Variants in KCNH8 observed in about 807,000 individuals in gnomAD.
KCNH8 encodes voltage-gated delayed rectifier potassium channel KCNH8.
KCNH8 carries 70 observed loss-of-function variants against 103.6 expected under a neutral mutation model. That is an observed-to-expected ratio of 0.68 (90% CI 0.56 to 0.82). The LOEUF (loss-of-function observed/expected upper bound fraction) is 0.82, where lower values mean the gene tolerates loss of function less well. KCNH8 is among the 40% of genes least tolerant of loss of function. The pLI is 0.00. For synonymous variants in KCNH8, 498 were observed against 489.4 expected, an observed-to-expected ratio of 1.02 and a Z score of -0.23; for missense variants, 1,217 against 1,329.9, an observed-to-expected ratio of 0.92 and a Z score of 1.32.
chr3:19,207,982 G>T (rs1391177121), intron 1 of KCNH8, among the ~76,000 whole-genome samples: 2 of 151,914 alleles, frequency 1.3e-5, no homozygotes, highest in Non-Finnish European at 2.9e-5. Flanking sequence ...GTATTTCAGG[G>T]TGCTCAGTTT....
At chr3:19,378,089 G>A (rs746974975) in intron 5 of KCNH8, among the ~76,000 whole-genome samples, 1 of 152,156 alleles carries the variant, frequency 6.6e-6, no homozygotes, top group Non-Finnish European at 1.5e-5. Flanking sequence ...ATCATTTAGG[G>A]ACTGAGACAG....
chr3:19,300,400 C>A (rs1375152462), intron 3 of KCNH8, among the ~76,000 whole-genome samples: 4 of 152,116 alleles, frequency 2.6e-5, no homozygotes, highest in Admixed American at 2.6e-4. Context: ...AATACCGAAA[C>A]AAGACAGAGA....
intron 3 of KCNH8, among the ~76,000 whole-genome samples, chr3:19,283,449 T>A (rs1575493790): frequency 6.6e-6 from 1 of 152,308 alleles, no homozygotes; most frequent in East Asian, 1.9e-4. Flanking sequence ...AAAATATGAT[T>A]TAATTTTTTG....
chr3:19,242,179 A>G (rs1439421444), intron 1 of KCNH8, among the ~76,000 whole-genome samples: 2 of 152,168 alleles, frequency 1.3e-5, no homozygotes, highest in Non-Finnish European at 2.9e-5. Flanking sequence ...GAAAATCTTT[A>G]AAGAATTTAA....
At chr3:19,382,195 CTAAG>C (rs1040260937) in intron 5 of KCNH8, among the ~76,000 whole-genome samples, 24 of 152,198 alleles carry the variant, frequency 1.6e-4, no homozygotes, top group Admixed American at 1.3e-3. Flanking sequence ...TAAAAATTAA[CTAAG>C]TTTCAAAAAA....
intron 5 of KCNH8, among the ~76,000 whole-genome samples, chr3:19,377,223 A>G (rs918944131): frequency 3.3e-5 from 5 of 152,252 alleles, no homozygotes; most frequent in African/African-American, 1.2e-4. Context: ...ACAAATGAAA[A>G]GACGGTATTT....
At chr3:19,380,854 T>C (rs1450437989) in intron 5 of KCNH8, among the ~76,000 whole-genome samples, 1 of 152,232 alleles carries the variant, frequency 6.6e-6, no homozygotes, top group East Asian at 1.9e-4. Flanking sequence ...TGAATTATTG[T>C]AACCACAAGT....
At chr3:19,504,986 C>T (rs1456529807) in intron 11 of KCNH8, among the ~76,000 whole-genome samples, 2 of 150,016 alleles carry the variant, frequency 1.3e-5, no homozygotes, top group African/African-American at 4.9e-5. Flanking sequence ...TATATATACA[C>T]ATATATATAT....
chr3:19,219,269 A>G (rs1006538692), intron 1 of KCNH8, among the ~76,000 whole-genome samples: 1 of 152,046 alleles, frequency 6.6e-6, no homozygotes, highest in Non-Finnish European at 1.5e-5. Context: ...AGATCACCCT[A>G]TTTAAAATCT....
At chr3:19,267,091 C>T (rs554819314) in intron 2 of KCNH8, among the ~76,000 whole-genome samples, 24 of 152,096 alleles carry the variant, frequency 1.6e-4, no homozygotes, top group African/African-American at 4.8e-4. Flanking sequence ...TGTGCTCTGC[C>T]TCAGTCCTGT....
At chr3:19,169,595 A>G (rs1477930884) in intron 1 of KCNH8, among the ~76,000 whole-genome samples, 1 of 152,208 alleles carries the variant, frequency 6.6e-6, no homozygotes, top group Admixed American at 6.5e-5. Context: ...AGCGTTGTTA[A>G]GAGTATGCAT....
chr3:19,279,542 A>G (rs942032482), intron 2 of KCNH8, among the ~76,000 whole-genome samples: 2 of 148,344 alleles, frequency 1.3e-5, no homozygotes, highest in African/African-American at 2.5e-5. Flanking sequence ...ATTGGGGCAG[A>G]TGAATGAAAT....
At chr3:19,447,427 T>C (rs2067378650) in intron 8 of KCNH8, among the ~76,000 whole-genome samples, 1 of 152,086 alleles carries the variant, frequency 6.6e-6, no homozygotes, top group African/African-American at 2.4e-5. Flanking sequence ...TGCTAAATAA[T>C]CTGAACATAT....
chr3:19,403,125 A>C (rs1373571882), intron 7 of KCNH8, among the ~76,000 whole-genome samples: 2 of 151,688 alleles, frequency 1.3e-5, no homozygotes, highest in African/African-American at 2.4e-5. Context: ...AGTTTTATTA[A>C]GCATTTATAA....
intron 7 of KCNH8, among the ~76,000 whole-genome samples, chr3:19,405,383 A>T (rs1384985829): frequency 1.3e-5 from 2 of 151,964 alleles, no homozygotes; most frequent in East Asian, 1.9e-4. Flanking sequence ...ATAATGTTTG[A>T]TAAGTTTTAT....
At chr3:19,360,744 T>C (rs899101951) in intron 5 of KCNH8, among the ~76,000 whole-genome samples, 3 of 152,016 alleles carry the variant, frequency 2.0e-5, no homozygotes, top group Non-Finnish European at 4.4e-5. Context: ...AAAGAAATCA[T>C]TTATAATAAT....
Position 19,515,424 on chromosome 3 carries a change from T to G in KCNH8, c.2538T>G (p.Leu846=), listed in dbSNP as rs1214012283. The G allele has an allele frequency of 5.3e-6, 8 of 1,501,488 alleles. No homozygotes were observed. The highest frequency in any genetic ancestry group is 7.2e-6 in the Non-Finnish European group (8 of 1,109,156). 93.0% of individuals were successfully genotyped at this position (1,501,488 alleles called of 1,614,324 possible). The change falls in exon 14 of 16, where the codon CTT becomes CTG. Residue 846 remains leucine, a synonymous_variant. Coordinates refer to ENST00000328405, the MANE Select transcript of KCNH8 (RefSeq NM_144633.3). The part of the protein sequence containing the change: ...IRSEPRISPP[L]GDPEIGAAVL... Reference sequence around the variant, plus strand: ...CAGAGCCCAGAATTTCTCCTCCTCTTGGAGGTAAGATCTATATTTAGTCTT... The same window carrying G: ...CAGAGCCCAGAATTTCTCCTCCTCTGGGAGGTAAGATCTATATTTAGTCTT...
intron 3 of KCNH8, among the ~76,000 whole-genome samples, chr3:19,304,566 A>G (rs970695419): frequency 3.3e-5 from 5 of 152,134 alleles, no homozygotes; most frequent in South Asian, 4.1e-4. Context: ...TGTGAAGATT[A>G]AAAGATAATG....
rs116132775 is a variant in KCNH8, at chr3:19,224,428, C to T, written c.77-29226C>T. Among the ~76,000 whole-genome samples, 707 of 152,040 alleles carry T rather than the reference C, an allele frequency of 4.7e-3. 6 individuals carry two copies. Among genetic ancestry groups the T allele is most frequent in the African/African-American group, 0.016 (672 of 41,460 alleles). On this transcript the variant is annotated intron_variant, in intron 1 of 15. Coordinates refer to ENST00000328405, the MANE Select transcript of KCNH8 (RefSeq NM_144633.3). ...TTGAAAATTATGAAACCTAAATAGT[C>T]TATGTTTAAAGAGAAACAAACCATT... is the stretch of plus-strand genomic sequence containing the variant.
Sources: gnomAD v4.1 joint callset for allele counts (sites outside exome capture counted in the v4.1 genomes callset) on GRCh38, gnomAD v4.1.1 for gene constraint, MANE v1.5 for transcripts, NCBI Gene and HGNC (gene_info 2026-07-23, HGNC 2026-07-21) for gene names.